The following AP1G1 variants were observed in gnomAD, a reference collection of about 807,000 sequenced individuals.
AP1G1 encodes AP-1 complex subunit gamma-1.
In AP1G1, 7 loss-of-function variants were observed where a neutral mutation model predicts 108.3. The observed-to-expected ratio is 0.06, with a 90% CI of 0.04 to 0.12. The LOEUF is 0.12. Ranked by LOEUF, AP1G1 falls within the 10% of genes least tolerant of loss-of-function variation. The pLI is 1.00. For synonymous variants in AP1G1, 379 were observed against 353.5 expected, an observed-to-expected ratio of 1.07 and a Z score of -0.81; for missense variants, 756 against 1,010.7, an observed-to-expected ratio of 0.75 and a Z score of 3.42.
intron 21 of AP1G1, among the ~76,000 whole-genome samples, 174 bp from the exon 22 acceptor site, chr16:71,734,881 T>C (rs1389005172): frequency 6.6e-6 from 1 of 152,240 alleles, no homozygotes; most frequent in South Asian, 2.1e-4. Flanking sequence ...GTGAGTTGAC[T>C]CCCTGTGGTA....
At position 71,758,878 on chromosome 16, in the gene AP1G1, G is replaced by C. The variant is rs1254773989; in HGVS notation, c.1018C>G (p.His340Asp). The C allele has an allele frequency of 2.5e-6, 4 of 1,611,098 alleles. No individual in the cohort carries two copies. The highest frequency in any genetic ancestry group is 3.4e-6 in the Non-Finnish European group (4 of 1,179,068). Residue 340 changes from histidine to aspartate, a missense_variant, in exon 11 of 23, where the codon CAT (histidine) becomes GAT (aspartate). By Grantham distance (81) the His-to-Asp change is moderately conservative (BLOSUM62 -1). Around this residue, in one of 3 missense-constraint regions of AP1G1, gnomAD observed 304 missense variants for 483.6 expected, o/e 0.63. Coordinates refer to ENST00000299980, the MANE Select transcript of AP1G1 (RefSeq NM_001128.6). ...TSLLKTVQTD[H>D]NAVQRHRSTI... ...CTTCTGTGCCTCTGTACTGCATTAT[G>C]ATCTGTCTGTACAGTCTTCAACAAA...
At chr16:71,765,683 G>T in intron 6 of AP1G1, 99 bp from the exon 7 acceptor site, 1 of 875,322 alleles carries the variant, frequency 1.1e-6, no homozygotes, top group Non-Finnish European at 1.9e-6. Context: ...AAGGGTCCCA[G>T]TCCAAGCAAA....
rs372367998 is a variant in AP1G1, at chr16:71,741,861, A to G, written c.2000-2520T>C. ...AGATACAGGCAGCATATAGGTCCCC[A>G]ACTCCCTCAAATTTTCACTTTTCTT... On this transcript the variant is annotated intron_variant, in intron 19 of 22. Transcript: ENST00000299980. Among the ~76,000 whole-genome samples the G allele has an allele frequency of 7.2e-5, 11 of 152,316 alleles. No homozygotes were observed. In the East Asian group the frequency reaches 1.7e-3, roughly 24 times the overall value.
At chr16:71,760,051 T>C (rs2145459213) in intron 10 of AP1G1, among the ~76,000 whole-genome samples, 1 of 152,222 alleles carries the variant, frequency 6.6e-6, no homozygotes, top group South Asian at 2.1e-4. Flanking sequence ...TATTTTTTAA[T>C]AGAGATGGGG....
At position 71,769,686 on chromosome 16, in the gene AP1G1, T is replaced by C. The variant is rs111907171; in HGVS notation, c.579A>G (p.Thr193=). The C allele has an allele frequency of 3.9e-4, 625 of 1,613,368 alleles. 5 individuals are homozygous for C. The African/African-American group carries it at 7.1e-3, about 18-fold the overall frequency. The change falls in exon 6 of 23, where the codon ACA becomes ACG. Residue 193 remains threonine (T), a synonymous_variant. Transcript: ENST00000299980. ...LNEKNHGVLH[T]SVVLLTEMCE... The stretch of plus-strand genomic sequence containing the variant: ...ACATTTCTGTGAGGAGGACTACAGA[T>C]GTGTGGAGGACACCTGAAAGAAAAG...
chr16:71,764,493 GC>G (rs1218770498), intron 8 of AP1G1, 45 bp from the exon 9 acceptor site: 1 of 1,395,388 alleles, frequency 7.2e-7, no homozygotes, highest in Non-Finnish European at 9.9e-7. Context: ...TAAAAACAAT[GC>G]TCCCAAAACA....
intron 1 of AP1G1, among the ~76,000 whole-genome samples, chr16:71,804,078 C>T (rs1215186402): frequency 2.6e-5 from 4 of 151,652 alleles, no homozygotes; most frequent in South Asian, 2.1e-4. Flanking sequence ...ACAAGAGTCT[C>T]GCTCTGTCCC....
chr16:71,782,590 G>A (rs1160172246), intron 2 of AP1G1, among the ~76,000 whole-genome samples: 4 of 152,066 alleles, frequency 2.6e-5, no homozygotes, highest in South Asian at 2.1e-4. Flanking sequence ...GGGTTCAAGC[G>A]ATTCTCCTGC....
chr16:71,743,763 T>G (rs191085357), intron 19 of AP1G1, among the ~76,000 whole-genome samples: 207 of 146,616 alleles, frequency 1.4e-3, no homozygotes, highest in Middle Eastern at 8.9e-3. Context: ...CTGGCCTACA[T>G]GGTGAAACCC....
intron 21 of AP1G1, among the ~76,000 whole-genome samples, chr16:71,738,252 G>T (rs2045574889): frequency 6.6e-6 from 1 of 151,522 alleles, no homozygotes; most frequent in African/African-American, 2.4e-5. Flanking sequence ...GTAGAGACGG[G>T]AGTTTCACCA....
At chr16:71,773,711 G>C (rs1263590496) in intron 3 of AP1G1, among the ~76,000 whole-genome samples, 1 of 152,074 alleles carries the variant, frequency 6.6e-6, no homozygotes, top group Non-Finnish European at 1.5e-5. Flanking sequence ...CAGAGGCCGA[G>C]GCAAGTGGAT....
chr16:71,771,961 A>C (rs1479878407), intron 4 of AP1G1, among the ~76,000 whole-genome samples: 2 of 152,188 alleles, frequency 1.3e-5, no homozygotes, highest in Non-Finnish European at 2.9e-5. Context: ...TAGCTTGTTC[A>C]CTGGAAAATA....
intron 21 of AP1G1, among the ~76,000 whole-genome samples, chr16:71,737,592 T>C (rs1798125111): frequency 6.6e-6 from 1 of 152,212 alleles, no homozygotes; most frequent in Non-Finnish European, 1.5e-5. Flanking sequence ...GCTAACTGCT[T>C]CTTAAACATC....
rs1374196325 is a variant in AP1G1, at chr16:71,731,254, G to GT, written c.*1803dup. 2 of 152,566 alleles carry GT rather than the reference G, an allele frequency of 1.3e-5. No homozygotes were observed. Among genetic ancestry groups the GT allele is most frequent in the Non-Finnish European group, 2.9e-5 (2 of 68,044 alleles). 9.5% of individuals were successfully genotyped at this position (152,566 alleles called of 1,614,324 possible). ...CTCAGTCAACCATTTACCCAGTGGA[G>GT]TAAGTTTTAGCAGATCTTGCTCATA... On this transcript the variant is annotated 3_prime_UTR_variant, in exon 23 of 23. Coordinates refer to ENST00000299980, the MANE Select transcript of AP1G1 (RefSeq NM_001128.6).
At chr16:71,742,163 G>A (rs1214281871) in intron 19 of AP1G1, 1 of 151,844 alleles carries the variant, frequency 6.6e-6, no homozygotes, top group African/African-American at 2.4e-5. Flanking sequence ...TATAACACTA[G>A]GAAAACAAGA....
chr16:71,757,366 G>A (rs901245552), intron 11 of AP1G1, among the ~76,000 whole-genome samples: 6 of 149,992 alleles, frequency 4.0e-5, no homozygotes, highest in Admixed American at 2.7e-4. Context: ...CAGGAGAATC[G>A]CTTGAACTCA....
rs761467938 is a variant in AP1G1 at position 71,733,057 on chromosome 16, C to G, written c.*1G>C. On this transcript the variant is annotated 3_prime_UTR_variant, in exon 23 of 23. Coordinates refer to ENST00000299980, the MANE Select transcript of AP1G1 (RefSeq NM_001128.6). ...TAAAGAATGAGAATGGTGCCAAACC[C>G]TCATTGCCAGGACTGAGGGGGAAAG... The G allele has an allele frequency of 4.3e-6, 7 of 1,610,854 alleles. No individual in the cohort carries two copies. The Admixed American group carries it at 1.0e-4, about 23-fold the overall frequency.
intron 21 of AP1G1, among the ~76,000 whole-genome samples, chr16:71,736,463 C>T (rs945158215): frequency 6.6e-6 from 1 of 150,688 alleles, no homozygotes; most frequent in African/African-American, 2.4e-5. Context: ...TCACTGCAAG[C>T]TCCATCTCCC....
chr16:71,795,172 T>TTAGAAC (rs2032543423), intron 1 of AP1G1, among the ~76,000 whole-genome samples: 1 of 152,042 alleles, frequency 6.6e-6, no homozygotes, highest in East Asian at 1.9e-4. Context: ...ACTGTGCACT[T>TTAGAAC]TCAGCTACTG....
Sources: allele counts gnomAD v4.1 joint callset (sites outside exome capture counted in the v4.1 genomes callset), GRCh38; gene constraint gnomAD v4.1.1; regional missense constraint gnomAD v4.1.1; transcripts MANE v1.5; gene names NCBI Gene and HGNC (gene_info 2026-07-23, HGNC 2026-07-21).